Variants in PLXDC2 observed in about 807,000 individuals in gnomAD.
PLXDC2 encodes the protein plexin domain containing 2.
A neutral mutation model predicts 68.9 loss-of-function variants in PLXDC2; 40 were observed. That is an observed-to-expected ratio of 0.58 (90% CI 0.45 to 0.76). The LOEUF is 0.76. Ranked by LOEUF, PLXDC2 falls within the 30% of genes least tolerant of loss-of-function variation. PLXDC2 has a pLI of 0.00. For synonymous variants in PLXDC2, 243 were observed against 234.2 expected (o/e 1.04, Z -0.34); for missense variants, 644 against 661.9 (o/e 0.97, Z 0.30).
chr10:20,204,605 A>G (rs1834965643), intron 9 of PLXDC2, among the ~76,000 whole-genome samples: 1 of 152,186 alleles, frequency 6.6e-6, no homozygotes, highest in Admixed American at 6.5e-5. Flanking sequence ...TTTGTCCAAA[A>G]ATCTTAATAA....
At chr10:20,245,256 T>G (rs1200762550) in intron 12 of PLXDC2, 89 bp from the exon 13 acceptor site, 1 of 1,415,228 alleles carries the variant, frequency 7.1e-7, no homozygotes, top group Admixed American at 2.6e-5. Flanking sequence ...CCAGTCGTAC[T>G]TTATTAAAAA....
At chr10:20,141,500 AAAG>A (rs1483075663) in intron 4 of PLXDC2, among the ~76,000 whole-genome samples, 2 of 152,076 alleles carry the variant, frequency 1.3e-5, no homozygotes, top group Non-Finnish European at 2.9e-5. Context: ...TGGAGAATAT[AAAG>A]AAGAAAAATA....
Position 20,288,180 on chromosome 10 carries a change from T to C in PLXDC2, c.*8361T>C, listed in dbSNP as rs1836184438. On this transcript the variant is annotated 3_prime_UTR_variant, in exon 14 of 14. Coordinates refer to ENST00000377252, the MANE Select transcript of PLXDC2 (RefSeq NM_032812.9). Reference sequence around the variant, plus strand: ...CAACCCCAAGCAAAAAGAATGACTATGTGTGTGAGTGCAGCACATGGCCAG... The same window carrying C: ...CAACCCCAAGCAAAAAGAATGACTACGTGTGTGAGTGCAGCACATGGCCAG... The C allele has an allele frequency of 6.6e-6, 1 of 152,178 alleles. No individual in the cohort carries two copies. The highest frequency in any genetic ancestry group is 1.5e-5 in the Non-Finnish European group (1 of 68,056). 9.4% of individuals were successfully genotyped at this position (152,178 alleles called of 1,614,324 possible).
At chr10:20,193,978 T>C (rs752326798) in intron 9 of PLXDC2, among the ~76,000 whole-genome samples, 1 of 152,072 alleles carries the variant, frequency 6.6e-6, no homozygotes, top group African/African-American at 2.4e-5. Context: ...ATGAATTTAC[T>C]AATTCTTTGT....
intron 4 of PLXDC2, among the ~76,000 whole-genome samples, chr10:20,131,549 G>A (rs1833868277): frequency 6.6e-6 from 1 of 152,012 alleles, no homozygotes; most frequent in Non-Finnish European, 1.5e-5. Flanking sequence ...ATGGGCACAT[G>A]CCACCATGCC....
intron 1 of PLXDC2, among the ~76,000 whole-genome samples, chr10:19,924,478 A>G (rs1258769557): frequency 6.6e-6 from 1 of 152,188 alleles, no homozygotes; most frequent in African/African-American, 2.4e-5. Flanking sequence ...ATTTCTGATG[A>G]GCGAAGGCCT....
chr10:19,910,184 A>G (rs935703139), intron 1 of PLXDC2, among the ~76,000 whole-genome samples: 1 of 150,632 alleles, frequency 6.6e-6, no homozygotes, highest in Non-Finnish European at 1.5e-5. Flanking sequence ...ATATATATAT[A>G]TATATATATA....
chr10:19,853,823 A>G (rs769088503), intron 1 of PLXDC2, among the ~76,000 whole-genome samples: 37 of 152,138 alleles, frequency 2.4e-4, no homozygotes, highest in African/African-American at 8.7e-4. Flanking sequence ...ATCTTGGAAT[A>G]TATCTTTATG....
intron 4 of PLXDC2, among the ~76,000 whole-genome samples, chr10:20,095,998 C>T (rs1833344104): frequency 6.6e-6 from 1 of 152,102 alleles, no homozygotes; most frequent in Admixed American, 6.6e-5. Flanking sequence ...ATGAGGGAGA[C>T]ATAGTATGCA....
rs1467800978 is a variant in PLXDC2, at chr10:19,878,353, A to G, written c.112+61162A>G. 2.0e-5 allele frequency among the ~76,000 whole-genome samples: 3 copies of G among 152,144 alleles called. No homozygotes were observed. In the East Asian group the frequency reaches 5.8e-4, roughly 29 times the overall value. On this transcript the variant is annotated intron_variant, in intron 1 of 13. Coordinates refer to ENST00000377252, the MANE Select transcript of PLXDC2 (RefSeq NM_032812.9). ...AGTATCTGAACTACAACCATGTACCAGTATACAAAAATAAAATAAAATAAA... is the reference window on the plus strand; with the variant it reads ...AGTATCTGAACTACAACCATGTACCGGTATACAAAAATAAAATAAAATAAA...
At chr10:20,034,181 C>T (rs1029831946) in intron 2 of PLXDC2, among the ~76,000 whole-genome samples, 4 of 152,164 alleles carry the variant, frequency 2.6e-5, no homozygotes, top group African/African-American at 7.2e-5. Context: ...CTTTACCTGT[C>T]CTTCCTGTCA....
chr10:20,123,896 G>A (rs942214926), intron 4 of PLXDC2, among the ~76,000 whole-genome samples: 9 of 151,872 alleles, frequency 5.9e-5, no homozygotes, highest in East Asian at 1.9e-4. Flanking sequence ...CTTGGGGCAC[G>A]GAAATAAGGG....
At chr10:19,870,223 A>G in intron 1 of PLXDC2, among the ~76,000 whole-genome samples, 1 of 152,218 alleles carries the variant, frequency 6.6e-6, no homozygotes, top group Non-Finnish European at 1.5e-5. Context: ...AGGGAGGAGG[A>G]GAAATGCACA....
intron 4 of PLXDC2, among the ~76,000 whole-genome samples, chr10:20,129,144 T>C (rs899453544): frequency 4.0e-5 from 6 of 151,812 alleles, no homozygotes; most frequent in Non-Finnish European, 4.4e-5. Context: ...TGTCAACACT[T>C]GTTATCTTTC....
chr10:20,283,683 T>C lies in PLXDC2; in HGVS notation c.*3864T>C, dbSNP rs1403099286. 1.3e-5 allele frequency: 2 copies of C among 152,230 alleles called. No homozygotes were observed. The highest frequency in any genetic ancestry group is 2.4e-5 in the African/African-American group (1 of 41,468). 9.4% of individuals were successfully genotyped at this position (152,230 alleles called of 1,614,324 possible). A position where few individuals can be genotyped will look rare whatever the true frequency, so the allele number is the denominator to read the frequency against. ...TCAACTGGCTCAGTTCTTTATTGCA[T>C]AGAGCCACTTAGCTTCTCTAGTTTC... On this transcript the variant is annotated 3_prime_UTR_variant, in exon 14 of 14. Coordinates refer to ENST00000377252, the MANE Select transcript of PLXDC2 (RefSeq NM_032812.9).
intron 1 of PLXDC2, among the ~76,000 whole-genome samples, chr10:19,905,609 T>C (rs1833145597): frequency 6.6e-6 from 1 of 152,136 alleles, no homozygotes; most frequent in South Asian, 2.1e-4. Flanking sequence ...CTGAGTGCTT[T>C]TTGGATTTGC....
At chr10:20,244,076 C>G (rs1168089931) in intron 12 of PLXDC2, among the ~76,000 whole-genome samples, 15 of 150,222 alleles carry the variant, frequency 1.0e-4, no homozygotes, top group Admixed American at 6.6e-4. Flanking sequence ...AAAGAAAAAA[C>G]AAAGAAAGAA....
chr10:19,977,915 A>G (rs572166919), intron 1 of PLXDC2, among the ~76,000 whole-genome samples: 2 of 152,248 alleles, frequency 1.3e-5, no homozygotes, highest in South Asian at 4.1e-4. Context: ...AAAAATGTAA[A>G]CATTTAGTTA....
chr10:20,055,073 G>T lies in PLXDC2; in HGVS notation c.471+8058G>T, dbSNP rs180954120. On this transcript the variant is annotated intron_variant, in intron 3 of 13. Coordinates refer to ENST00000377252, the MANE Select transcript of PLXDC2 (RefSeq NM_032812.9). The stretch of plus-strand genomic sequence containing the variant: ...ATATGAAACACCAGCAAAATGAAAT[G>T]GTTGAAGTGTTGTTCTCTGTCTATC... Among the ~76,000 whole-genome samples the T allele has an allele frequency of 2.1e-4, 32 of 152,196 alleles. No individual in the cohort carries two copies. In the East Asian group the frequency reaches 3.3e-3, roughly 16 times the overall value.
Sources: gnomAD v4.1 joint callset for allele counts (sites outside exome capture counted in the v4.1 genomes callset) on GRCh38, gnomAD v4.1.1 for gene constraint, MANE v1.5 for transcripts, NCBI Gene and HGNC (gene_info 2026-07-23, HGNC 2026-07-21) for gene names.